The following RARB variants were observed in gnomAD, a reference collection of about 807,000 sequenced individuals.
RARB encodes the protein retinoic acid receptor beta.
A neutral mutation model predicts 51.9 loss-of-function variants in RARB; 17 were observed. That is an observed-to-expected ratio of 0.33 (90% CI 0.22 to 0.49). RARB has a LOEUF of 0.49. RARB is among the 20% of genes least tolerant of loss of function. The pLI, the probability that RARB is intolerant of heterozygous loss-of-function variation, is 0.99. For synonymous variants in RARB, 215 were observed against 195.4 expected (o/e 1.10, Z -0.84); for missense variants, 369 against 550.8 (o/e 0.67, Z 3.30).
intron 5 of RARB, among the ~76,000 whole-genome samples, chr3:25,195,018 G>C (rs989837187): frequency 6.6e-6 from 1 of 151,886 alleles, no homozygotes; most frequent in African/African-American, 2.4e-5. Context: ...TCTTTTAACA[G>C]AAACAAAAGC....
At chr3:25,467,018 C>T (rs1345920215) in intron 2 of RARB, among the ~76,000 whole-genome samples, 1 of 152,218 alleles carries the variant, frequency 6.6e-6, no homozygotes, top group Non-Finnish European at 1.5e-5. Flanking sequence ...CACTTCCACA[C>T]TGCTAAAAGA....
chr3:25,013,928 G>T (rs1697452754), intron 2 of RARB, among the ~76,000 whole-genome samples: 1 of 152,082 alleles, frequency 6.6e-6, no homozygotes, highest in Non-Finnish European at 1.5e-5. Context: ...AAAAGTGTCG[G>T]ATAGTATTAG....
At chr3:25,432,295 G>T (rs891657174) in intron 1 of RARB, among the ~76,000 whole-genome samples, 1 of 152,158 alleles carries the variant, frequency 6.6e-6, no homozygotes, top group Non-Finnish European at 1.5e-5. Context: ...AAAAGAAAAA[G>T]CATGTGTTTA....
At chr3:25,584,131 C>T (rs1247015431) in intron 5 of RARB, among the ~76,000 whole-genome samples, 1 of 152,168 alleles carries the variant, frequency 6.6e-6, no homozygotes, top group Non-Finnish European at 1.5e-5. Flanking sequence ...GTTTCTCTGC[C>T]TCTTCTCTCC....
chr3:25,108,359 T>C (rs1343618838), intron 3 of RARB, among the ~76,000 whole-genome samples: 1 of 152,182 alleles, frequency 6.6e-6, no homozygotes, highest in East Asian at 1.9e-4. Context: ...AGGTTAGGGT[T>C]GAGGTCACCA....
intron 2 of RARB, among the ~76,000 whole-genome samples, chr3:24,946,591 G>A (rs1046577366): frequency 9.2e-5 from 14 of 151,916 alleles, no homozygotes; most frequent in Admixed American, 5.2e-4. Flanking sequence ...AGGCTTGGTC[G>A]GGTGTGGTGG....
chr3:24,867,325 G>A (rs113792544), intron 2 of RARB, among the ~76,000 whole-genome samples: 7,624 of 152,106 alleles, frequency 0.05, 280 homozygotes, highest in East Asian at 0.13. Context: ...ATAAATAAGG[G>A]CAGTTTGAAG....
intron 5 of RARB, among the ~76,000 whole-genome samples, chr3:25,249,681 AT>A (rs775744919): frequency 0.12 from 11,545 of 95,254 alleles, 986 homozygotes; most frequent in African/African-American, 0.32. Context: ...TCTCTGTATG[AT>A]TTTTTTTTTT....
chr3:24,995,265 T>C (rs953963890), intron 2 of RARB, among the ~76,000 whole-genome samples: 1 of 151,920 alleles, frequency 6.6e-6, no homozygotes, highest in Non-Finnish European at 1.5e-5. Context: ...TGGGATTGCC[T>C]TTTTTATGTC....
chr3:25,500,832 C>T (rs530847975), intron 2 of RARB, among the ~76,000 whole-genome samples: 19 of 152,042 alleles, frequency 1.2e-4, no homozygotes, highest in Non-Finnish European at 2.1e-4. Context: ...CTTGGTAGTG[C>T]GCTCATCTGA....
chr3:25,092,349 A>G (rs1162225870), intron 3 of RARB, among the ~76,000 whole-genome samples: 2 of 152,094 alleles, frequency 1.3e-5, no homozygotes, highest in Admixed American at 1.3e-4. Context: ...TTGTTTGTTC[A>G]TTTGTTTGCC....
chr3:24,973,630 T>G (rs1467106326), intron 2 of RARB, among the ~76,000 whole-genome samples: 1 of 152,090 alleles, frequency 6.6e-6, no homozygotes, highest in Non-Finnish European at 1.5e-5. Flanking sequence ...TCAATGTCTT[T>G]GAAGTGTTTT....
chr3:25,451,390 G>A (rs75297815), intron 1 of RARB, among the ~76,000 whole-genome samples: 8,326 of 152,152 alleles, frequency 0.055, 548 homozygotes, highest in African/African-American at 0.16. Context: ...CCACTTTCCC[G>A]TCACCTCCTC....
chr3:25,386,475 TG>T (rs1706797534), intron 5 of RARB, among the ~76,000 whole-genome samples: 1 of 152,236 alleles, frequency 6.6e-6, no homozygotes, highest in African/African-American at 2.4e-5. Context: ...GGTTTGTTTT[TG>T]TTTTTGCTTT....
intron 5 of RARB, among the ~76,000 whole-genome samples, chr3:25,192,864 A>T (rs901973725): frequency 6.6e-6 from 1 of 151,998 alleles, no homozygotes; most frequent in Admixed American, 6.6e-5. Context: ...CTCGTAGACA[A>T]ACACTCCCTG....
intron 5 of RARB, among the ~76,000 whole-genome samples, chr3:25,329,591 C>A (rs1559359481): frequency 6.6e-6 from 1 of 152,160 alleles, no homozygotes; most frequent in African/African-American, 2.4e-5. Context: ...TTCTAAAAAT[C>A]AGACTGCCTC....
At chr3:25,437,895 T>A (rs1708500559) in intron 1 of RARB, among the ~76,000 whole-genome samples, 2 of 152,222 alleles carry the variant, frequency 1.3e-5, no homozygotes, top group Non-Finnish European at 2.9e-5. Context: ...TTCTATTGGA[T>A]TTTTAAAAAT....
chr3:25,467,698 G>C (rs1444863652), intron 2 of RARB, among the ~76,000 whole-genome samples: 1 of 152,232 alleles, frequency 6.6e-6, no homozygotes, highest in East Asian at 1.9e-4. Context: ...AAAAGGGAGA[G>C]CCTACCAGAA....
intron 3 of RARB, among the ~76,000 whole-genome samples, chr3:25,552,406 G>A (rs1258056144): frequency 2.0e-5 from 3 of 152,102 alleles, no homozygotes; most frequent in Non-Finnish European, 4.4e-5. Flanking sequence ...CTGGGGTTGG[G>A]GGAGGGCGGC....
Sources: allele counts gnomAD v4.1 joint callset (sites outside exome capture counted in the v4.1 genomes callset), GRCh38; gene constraint gnomAD v4.1.1; transcripts MANE v1.5; gene names NCBI Gene and HGNC (gene_info 2026-07-23, HGNC 2026-07-21).